The following CD36 variants were observed in gnomAD, a reference collection of about 807,000 sequenced individuals.
CD36 encodes the protein platelet glycoprotein 4.
Under a neutral mutation model 55.2 loss-of-function variants are expected in CD36, and 119 were observed. The ratio of observed to expected loss-of-function variants is 2.15; its 90% CI spans 1.86 to 2.51. The LOEUF (loss-of-function observed/expected upper bound fraction) is 2.51. CD36 is among the 30% of genes most tolerant of loss of function. The pLI is 0.00. For missense variants in CD36, 819 were observed against 555.5 expected, an observed-to-expected ratio of 1.47 and a Z score of -4.77; for synonymous variants, 186 against 193.6, an observed-to-expected ratio of 0.96 and a Z score of 0.33.
Position 80,674,144 on chromosome 7 carries a change from ATAAGTAAG to A in CD36, c.1419_*7del. On this transcript the variant is annotated splice_donor_variant and splice_donor_5th_base_variant and coding_sequence_variant and 3_prime_UTR_variant and intron_variant, in exon 14 of 15. Transcript: ENST00000447544. LOFTEE classifies it high-confidence loss of function. ...GTGCATGCAGATCGAAAACAATAAAATAAGTAAGTATGTACCAAAAAATATTGCTTCAA... is the reference window on the plus strand; with the variant it reads ...GTGCATGCAGATCGAAAACAATAAAATATGTACCAAAAAATATTGCTTCAA... 2.5e-6 allele frequency: 4 copies of A among 1,606,490 alleles called. No homozygotes were observed. The African/African-American group carries it at 5.3e-5, about 21-fold the overall frequency.
At chr7:80,665,592 G>A (rs1175632816) in intron 7 of CD36, among the ~76,000 whole-genome samples, 2 of 152,016 alleles carry the variant, frequency 1.3e-5, no homozygotes, top group East Asian at 1.9e-4. Flanking sequence ...GAGAAATAAC[G>A]AGCATTTCAC....
intron 1 of CD36, among the ~76,000 whole-genome samples, chr7:80,613,420 G>A (rs1268898558): frequency 1.3e-5 from 2 of 151,940 alleles, no homozygotes; most frequent in African/African-American, 4.8e-5. Flanking sequence ...CTACTTTATG[G>A]AGATTTTTCC....
chr7:80,664,152 G>A (rs1796794575), intron 6 of CD36, among the ~76,000 whole-genome samples: 1 of 151,996 alleles, frequency 6.6e-6, no homozygotes, highest in Non-Finnish European at 1.5e-5. Flanking sequence ...GCCCTCATTG[G>A]CTTAATTATG....
upstream of CD36, among the ~76,000 whole-genome samples, chr7:80,634,978 T>C (rs1349951164): frequency 6.6e-6 from 1 of 152,020 alleles, no homozygotes; most frequent in African/African-American, 2.4e-5. Flanking sequence ...CCAAAGACTA[T>C]TTTCCTACTA....
chr7:80,608,164 A>G (rs1010719909), intron 1 of CD36, among the ~76,000 whole-genome samples: 2 of 152,258 alleles, frequency 1.3e-5, no homozygotes, highest in African/African-American at 2.4e-5. Flanking sequence ...TTATCCCAGC[A>G]TTCAATAATA....
chr7:80,602,744 A>C (rs1008528523), intron 1 of CD36, among the ~76,000 whole-genome samples: 1 of 152,056 alleles, frequency 6.6e-6, no homozygotes, highest in African/African-American at 2.4e-5. Flanking sequence ...TTTCTTATTT[A>C]TGTTTTCTGA....
chr7:80,671,702 T>TTAGTCCATAGACATATTACTGCC (rs1797688907), intron 10 of CD36, among the ~76,000 whole-genome samples: 1 of 152,056 alleles, frequency 6.6e-6, no homozygotes, highest in Admixed American at 6.6e-5. Context: ...AAATAAATTC[T>TTAGTCCATAGACATATTACTGCC]TAGTCCATAG....
At chr7:80,657,885 A>G (rs1796215296) in intron 4 of CD36, among the ~76,000 whole-genome samples, 1 of 152,176 alleles carries the variant, frequency 6.6e-6, no homozygotes, top group Non-Finnish European at 1.5e-5. Context: ...TATAATTTGT[A>G]GTTTTAGCAT....
intron 1 of CD36, among the ~76,000 whole-genome samples, chr7:80,619,121 G>T: frequency 6.6e-6 from 1 of 152,192 alleles, no homozygotes; most frequent in East Asian, 1.9e-4. Flanking sequence ...ATGATTCAAA[G>T]TCTACTTTGC....
Position 80,663,030 on chromosome 7 carries a change from T to TC in CD36, c.472dup (p.Leu158ProfsTer6), listed in dbSNP as rs749308216. ...TATCAAAATCAATTTGTTCAAATGA[T>TC]CCTCAATTCACTTATTAACAAGTCA... On this transcript the variant is annotated frameshift_variant, in exon 6 of 15. Transcript: ENST00000447544. LOFTEE classifies it high-confidence loss of function. 6.2e-7 allele frequency: 1 copy of TC among 1,613,514 alleles called. No individual in the cohort carries two copies. Among genetic ancestry groups the TC allele is most frequent in the South Asian group, 1.1e-5 (1 of 91,062 alleles).
At chr7:80,657,413 T>C (rs1796178091) in intron 4 of CD36, among the ~76,000 whole-genome samples, 1 of 152,240 alleles carries the variant, frequency 6.6e-6, no homozygotes, top group Admixed American at 6.5e-5. Flanking sequence ...ATATTTCCTC[T>C]AGTGTTGAGA....
Position 80,663,123 on chromosome 7 carries a change from G to GAGGGT in CD36, c.563_564insAGGGT (p.Ser188ArgfsTer36), listed in dbSNP as rs1300740018. ...TGGGGCTATAGGGATCCATTTTTGA[G>GAGGGT]TTTGGTTCCGTACCCTGTTACTACC... is the stretch of plus-strand genomic sequence containing the variant. On this transcript the variant is annotated frameshift_variant, in exon 6 of 15. Coordinates refer to ENST00000447544, the MANE Select transcript of CD36 (RefSeq NM_001001548.3). LOFTEE classifies it high-confidence loss of function. 5.6e-6 allele frequency: 9 copies of GAGGGT among 1,613,794 alleles called. 1 individual carries two copies. The South Asian group carries it at 9.9e-5, about 18-fold the overall frequency.
At chr7:80,636,446 C>T (rs995996683), upstream of CD36, among the ~76,000 whole-genome samples, 1 of 149,114 alleles carries the variant, frequency 6.7e-6, no homozygotes, top group Non-Finnish European at 1.5e-5. Context: ...AGTTAACTTC[C>T]AATTACAAGT....
At position 80,671,903 on chromosome 7, in the gene CD36, T is replaced by C. The variant is rs202063762; in HGVS notation, c.1007-19T>C. The C allele has an allele frequency of 2.0e-4, 328 of 1,607,730 alleles. 4 individuals are homozygous for C. The East Asian group carries it at 3.7e-3, about 18-fold the overall frequency. ...AAGGAAGTTATTAATTCCAATTGAC[T>C]CTTAAAACTTGTCTTCAGGGAGACC... On this transcript the variant is annotated intron_variant, in intron 10 of 14. Transcript: ENST00000447544.
rs576254639 is a variant in CD36 at position 80,661,087 on chromosome 7, T to C, written c.306T>C (p.Asn102=). 5.6e-6 allele frequency: 9 copies of C among 1,613,930 alleles called. No homozygotes were observed. In the South Asian group the frequency reaches 8.8e-5, roughly 16 times the overall value. The change falls in exon 5 of 15, where the codon AAT becomes AAC. Residue 102 remains asparagine (N), a synonymous_variant. Transcript: ENST00000447544. ...GAGTTCGTTTTCTAGCCAAGGAAAA[T>C]GTAACCCAGGACGCTGAGGACAACA... ...TYRVRFLAKE[N]VTQDAEDNTV... is the part of the protein sequence containing the mutation.
At chr7:80,673,465 C>T (rs1584473343) in intron 13 of CD36, 56 bp downstream of exon 13, 2 of 972,816 alleles carry the variant, frequency 2.1e-6, no homozygotes, top group Non-Finnish European at 3.4e-6. Context: ...TATAAACAAG[C>T]TCTTGATGTT....
Position 80,662,991 on chromosome 7 carries a change from C to G in CD36, c.431C>G (p.Ala144Gly), listed in dbSNP as rs754454509. 5 of 1,609,810 alleles carry G rather than the reference C, an allele frequency of 3.1e-6. No individual in the cohort carries two copies. In the East Asian group the frequency reaches 1.1e-4, roughly 36 times the overall value. ...NFTVLNLAVA[A>G]ASHIYQNQFV... ...TAAACAGTGACTTTGTTTTTGTAGG[C>G]TGCATCCCATATCTATCAAAATCAA... Residue 144 changes from alanine to glycine, a missense_variant and splice_region_variant, in exon 6 of 15, where the codon GCT (alanine) becomes GGT (glycine). By Grantham distance (60) the Ala-to-Gly change is moderately conservative (BLOSUM62 0). Coordinates refer to ENST00000447544, the MANE Select transcript of CD36 (RefSeq NM_001001548.3).
intron 5 of CD36, among the ~76,000 whole-genome samples, chr7:80,661,726 G>A: frequency 6.6e-6 from 1 of 152,084 alleles, no homozygotes; most frequent in Non-Finnish European, 1.5e-5. Flanking sequence ...GCAATTTGTT[G>A]CTGCAAAATG....
chr7:80,666,390 G>T, intron 7 of CD36, 53 bp from the exon 8 acceptor site: 1 of 1,168,412 alleles, frequency 8.6e-7, no homozygotes. Flanking sequence ...AGTAATGTAA[G>T]AAAGGTATTC....
Sources: gnomAD v4.1 joint callset for allele counts (sites outside exome capture counted in the v4.1 genomes callset) on GRCh38, gnomAD v4.1.1 for gene constraint, MANE v1.5 for transcripts, NCBI Gene and HGNC (gene_info 2026-07-23, HGNC 2026-07-21) for gene names.